The following SDK1 variants were observed in gnomAD, a reference collection of about 807,000 sequenced individuals.
SDK1 encodes sidekick cell adhesion molecule 1.
SDK1 carries 157 observed loss-of-function variants against 245.5 expected under a neutral mutation model. The ratio of observed to expected loss-of-function variants is 0.64; its 90% CI spans 0.56 to 0.73. The LOEUF (loss-of-function observed/expected upper bound fraction) is 0.73, where lower values mean the gene tolerates loss of function less well. Among genes scored for constraint, SDK1 ranks in the 30% least tolerant of loss-of-function variants. The probability of loss-of-function intolerance (pLI) is 0.00; values close to 1 mark genes in which losing one functional copy is unlikely to be tolerated. For synonymous variants in SDK1, 1,647 were observed against 1,278.5 expected, an observed-to-expected ratio of 1.29 and a Z score of -6.15; for missense variants, 3,583 against 3,002.3, an observed-to-expected ratio of 1.19 and a Z score of -4.52.
At chr7:3,356,802 A>G (rs898149260) in intron 1 of SDK1, among the ~76,000 whole-genome samples, 1 of 152,102 alleles carries the variant, frequency 6.6e-6, no homozygotes, top group Non-Finnish European at 1.5e-5. Flanking sequence ...TCATGCCTGT[A>G]ATCCCAGCAC....
chr7:4,157,339 AGGGAAGAAGGAAG>A (rs1780798153), intron 30 of SDK1, among the ~76,000 whole-genome samples: 1 of 146,368 alleles, frequency 6.8e-6, no homozygotes, highest in African/African-American at 2.5e-5. Flanking sequence ...AAGGGAGAGA[AGGGAAGAAGGAAG>A]GAAAGTGGGA....
chr7:3,947,304 G>A (rs915853301), intron 5 of SDK1, among the ~76,000 whole-genome samples: 11 of 151,942 alleles, frequency 7.2e-5, no homozygotes, highest in African/African-American at 1.9e-4. Flanking sequence ...GTTTCATATC[G>A]TCCAGGTTAA....
intron 4 of SDK1, among the ~76,000 whole-genome samples, chr7:3,644,677 G>A (rs1692916934): frequency 6.7e-6 from 1 of 148,568 alleles, no homozygotes; most frequent in Admixed American, 6.8e-5. Context: ...GGAGGCTGAG[G>A]TAGGAAGATA....
At position 3,672,792 on chromosome 7, in the gene SDK1, TATAA is replaced by T. The variant is rs1332115112; in HGVS notation, c.713+30689_713+30692del. ...ATATATATATATATATATATATATA[TATAA>T]AAAATACAGAAAGCTCTAAGTATGC... On this transcript the variant is annotated intron_variant, in intron 4 of 44. Transcript: ENST00000404826. Among the ~76,000 whole-genome samples, 192 of 85,406 alleles carry T rather than the reference TATAA, an allele frequency of 2.2e-3. 9 individuals are homozygous for T. Among genetic ancestry groups the T allele is most frequent in the African/African-American group, 2.9e-3 (77 of 26,382 alleles). The allele number at this position is 85,406 out of a possible 152,430, so 56.0% of individuals were successfully genotyped here. A position where few individuals can be genotyped will look rare whatever the true frequency, so the allele number is the denominator to read the frequency against.
chr7:3,930,489 C>T (rs764873106), intron 5 of SDK1, among the ~76,000 whole-genome samples: 7 of 152,170 alleles, frequency 4.6e-5, no homozygotes, highest in African/African-American at 1.2e-4. Flanking sequence ...TAAAGCCAGA[C>T]GTGGCTTCCA....
chr7:3,743,353 A>G (rs953106544), intron 4 of SDK1, among the ~76,000 whole-genome samples: 1 of 152,192 alleles, frequency 6.6e-6, no homozygotes, highest in East Asian at 1.9e-4. Context: ...TAAGTCACAG[A>G]TTTTTGAACC....
chr7:3,950,651 G>A (rs189710059), intron 5 of SDK1, among the ~76,000 whole-genome samples: 19 of 152,268 alleles, frequency 1.2e-4, no homozygotes, highest in Middle Eastern at 3.4e-3. Flanking sequence ...TAAACCCACC[G>A]GAAGTTGAAA....
At chr7:3,492,667 C>T (rs1291914851) in intron 1 of SDK1, among the ~76,000 whole-genome samples, 2 of 152,158 alleles carry the variant, frequency 1.3e-5, no homozygotes, top group Non-Finnish European at 2.9e-5. Flanking sequence ...GTAACAAGTG[C>T]CCTGTTGCTT....
intron 4 of SDK1, among the ~76,000 whole-genome samples, chr7:3,700,940 A>C (rs192794818): frequency 3.3e-5 from 5 of 151,986 alleles, no homozygotes; most frequent in Admixed American, 2.6e-4. Flanking sequence ...CACTGATAGG[A>C]GATTGGTAGA....
At chr7:3,802,239 A>G (rs1430536463) in intron 4 of SDK1, among the ~76,000 whole-genome samples, 2 of 152,312 alleles carry the variant, frequency 1.3e-5, no homozygotes, top group South Asian at 2.1e-4. Flanking sequence ...TACATCCACA[A>G]TACAGTGCTG....
intron 1 of SDK1, among the ~76,000 whole-genome samples, chr7:3,320,469 T>C (rs758256596): frequency 6.6e-6 from 1 of 152,160 alleles, no homozygotes; most frequent in Non-Finnish European, 1.5e-5. Context: ...GTTAAAAAAT[T>C]AGCCTTAATA....
intron 1 of SDK1, among the ~76,000 whole-genome samples, chr7:3,366,661 G>A (rs1781100095): frequency 6.6e-6 from 1 of 152,066 alleles, no homozygotes; most frequent in African/African-American, 2.4e-5. Context: ...AACATTTAAA[G>A]ACTTTTGTCT....
In SDK1 at chr7:4,091,487, C is replaced by T. The variant is rs112034237; in HGVS notation, c.3324+11903C>T. 4.7e-3 allele frequency among the ~76,000 whole-genome samples: 716 copies of T among 151,910 alleles called. 7 individuals carry two copies. Among genetic ancestry groups the T allele is most frequent in the African/African-American group, 0.016 (664 of 41,400 alleles). On this transcript the variant is annotated intron_variant, in intron 22 of 44. Transcript: ENST00000404826. ...CTTCCTGAGTAACTGGGATGATAGGCACGTACCACCACACCTGGCTAATTT... is the reference window on the plus strand; with the variant it reads ...CTTCCTGAGTAACTGGGATGATAGGTACGTACCACCACACCTGGCTAATTT...
chr7:3,737,520 G>A (rs1225536384), intron 4 of SDK1, among the ~76,000 whole-genome samples: 1 of 152,236 alleles, frequency 6.6e-6, no homozygotes, highest in Non-Finnish European at 1.5e-5. Context: ...GGGGACTGAT[G>A]GTGGGCAGAG....
chr7:3,582,721 G>T, intron 1 of SDK1, among the ~76,000 whole-genome samples: 1 of 137,280 alleles, frequency 7.3e-6, no homozygotes, highest in African/African-American at 3.0e-5. Flanking sequence ...GTACCATCAG[G>T]GCTAGTCTGA....
intron 4 of SDK1, among the ~76,000 whole-genome samples, chr7:3,680,069 G>A (rs578119346): frequency 2.6e-5 from 4 of 152,258 alleles, no homozygotes; most frequent in East Asian, 1.9e-4. Flanking sequence ...TAAACAAGCC[G>A]TGGTGCATCC....
chr7:3,827,076 A>C (rs1779793671), intron 5 of SDK1, among the ~76,000 whole-genome samples: 1 of 152,126 alleles, frequency 6.6e-6, no homozygotes, highest in Non-Finnish European at 1.5e-5. Flanking sequence ...GATTTATTTC[A>C]ACCTGATTTC....
intron 43 of SDK1, 22 bp from the exon 44 acceptor site, chr7:4,245,654 G>A (rs933144163): frequency 2.0e-5 from 32 of 1,611,348 alleles, no homozygotes; most frequent in African/African-American, 4.0e-5. Flanking sequence ...GAGGGTAATT[G>A]CAGCATGGGT....
chr7:3,687,177 C>CTTTT (rs34903598), intron 4 of SDK1, among the ~76,000 whole-genome samples: 1 of 143,210 alleles, frequency 7.0e-6, no homozygotes, highest in African/African-American at 2.6e-5. Context: ...CACAAATGTT[C>CTTTT]TTTTTTTTTT....
Sources: allele counts gnomAD v4.1 joint callset (sites outside exome capture counted in the v4.1 genomes callset), GRCh38; gene constraint gnomAD v4.1.1; transcripts MANE v1.5; gene names NCBI Gene and HGNC (gene_info 2026-07-23, HGNC 2026-07-21).